Variants in L3MBTL4 observed in about 807,000 individuals in gnomAD.
L3MBTL4 encodes L3MBTL histone methyl-lysine binding protein 4.
Under a neutral mutation model 84.5 loss-of-function variants are expected in L3MBTL4, and 70 were observed. That is an observed-to-expected ratio of 0.83 (90% CI 0.68 to 1.01). L3MBTL4 has a LOEUF of 1.01. L3MBTL4 is among the 50% of genes least tolerant of loss of function. The pLI is 0.00. For missense variants in L3MBTL4, 715 were observed against 754.8 expected, an observed-to-expected ratio of 0.95 and a Z score of 0.62; for synonymous variants, 274 against 259.8, an observed-to-expected ratio of 1.05 and a Z score of -0.52.
intron 16 of L3MBTL4, chr18:6,031,318 G>C (rs973389096): frequency 1.0e-6 from 1 of 985,434 alleles, no homozygotes; most frequent in African/African-American, 1.7e-5. Context: ...TGGGTTATAG[G>C]TTTTCTGGTT....
chr18:5,969,514 A>G lies in L3MBTL4; in HGVS notation c.1493T>C (p.Met498Thr), dbSNP rs760586941. The change falls in exon 17 of 19, where the codon ATG becomes ACG. Residue 498 changes from methionine to threonine, a missense_variant. Coordinates refer to ENST00000317931, the MANE Select transcript of L3MBTL4 (RefSeq NM_001330559.2). ...AQQVLHQSVSMSTVSAHPFRD... is the reference protein window; with the variant it reads ...AQQVLHQSVSTSTVSAHPFRD... ...AAAAGGGTGGGCTGACACCGTGGACATGGACACTGACTGGTGAAGCACCTG... is the reference window on the plus strand; with the variant it reads ...AAAAGGGTGGGCTGACACCGTGGACGTGGACACTGACTGGTGAAGCACCTG... 1 of 1,613,564 alleles carries G rather than the reference A, an allele frequency of 6.2e-7. No individual in the cohort carries two copies. The highest frequency in any genetic ancestry group is 1.3e-5 in the African/African-American group (1 of 74,926).
chr18:6,179,387 T>G (rs1404924618), intron 12 of L3MBTL4, among the ~76,000 whole-genome samples: 1 of 152,162 alleles, frequency 6.6e-6, no homozygotes, highest in Non-Finnish European at 1.5e-5. Context: ...GAACTGGGTT[T>G]TAATATGTTT....
chr18:6,040,077 C>T (rs896880240), intron 16 of L3MBTL4, among the ~76,000 whole-genome samples: 1 of 152,024 alleles, frequency 6.6e-6, no homozygotes, highest in East Asian at 1.9e-4. Flanking sequence ...TGAGAAATTT[C>T]AAAAGGCCAG....
At chr18:6,083,277 CA>C (rs1276496549) in intron 15 of L3MBTL4, among the ~76,000 whole-genome samples, 1 of 152,126 alleles carries the variant, frequency 6.6e-6, no homozygotes, top group Non-Finnish European at 1.5e-5. Context: ...GATGGGTTTC[CA>C]AAAGTCTCGA....
intron 15 of L3MBTL4, among the ~76,000 whole-genome samples, chr18:6,090,593 TACACACACAC>T (rs71163260): frequency 1.5e-3 from 127 of 86,772 alleles, no homozygotes; most frequent in African/African-American, 5.4e-3. Flanking sequence ...ATTATATATA[TACACACACAC>T]ACACACACAC....
rs34117389 is a variant in L3MBTL4, at chr18:6,041,462, C to CTT, written c.1444+39417_1444+39418dup. 9.5e-3 allele frequency among the ~76,000 whole-genome samples: 1,175 copies of CTT among 124,086 alleles called. 17 individuals are homozygous for CTT. Among genetic ancestry groups the CTT allele is most frequent in the South Asian group, 0.013 (49 of 3,686 alleles). The allele number at this position is 124,086 out of a possible 152,430, so 81.4% of individuals were successfully genotyped here. ...TTTCTTCAGCTTAGGCTGAAATTGA[C>CTT]TTTTTTTTTTTTTTTTTTGTCTTGC... is the stretch of plus-strand genomic sequence containing the variant. On this transcript the variant is annotated intron_variant, in intron 16 of 18. Transcript: ENST00000317931.
At chr18:6,393,651 A>G (rs1312626790) in intron 1 of L3MBTL4, among the ~76,000 whole-genome samples, 1 of 152,152 alleles carries the variant, frequency 6.6e-6, no homozygotes, top group Admixed American at 6.5e-5. Flanking sequence ...CAGCCAATCA[A>G]TCAGGGAATC....
At chr18:6,278,879 C>T (rs1229814446) in intron 4 of L3MBTL4, among the ~76,000 whole-genome samples, 1 of 149,814 alleles carries the variant, frequency 6.7e-6, no homozygotes, top group African/African-American at 2.5e-5. Context: ...AAAAAAAAAA[C>T]TTCTTCCACA....
intron 13 of L3MBTL4, among the ~76,000 whole-genome samples, chr18:6,149,892 T>C (rs2042816860): frequency 6.6e-6 from 1 of 152,132 alleles, no homozygotes; most frequent in East Asian, 1.9e-4. Context: ...TCTCTCTCTC[T>C]CCCCATTCCT....
chr18:6,366,042 A>G (rs2053921440), intron 1 of L3MBTL4, among the ~76,000 whole-genome samples: 1 of 152,216 alleles, frequency 6.6e-6, no homozygotes, highest in Admixed American at 6.5e-5. Context: ...ATACTTCTGT[A>G]ACCTCAATTA....
intron 14 of L3MBTL4, among the ~76,000 whole-genome samples, chr18:6,134,277 A>G (rs998679584): frequency 6.6e-6 from 1 of 152,110 alleles, no homozygotes; most frequent in African/African-American, 2.4e-5. Flanking sequence ...GGGAATTCTG[A>G]GAGATACAAT....
intron 13 of L3MBTL4, among the ~76,000 whole-genome samples, chr18:6,149,845 C>G (rs1407048627): frequency 6.6e-6 from 1 of 152,116 alleles, no homozygotes; most frequent in Non-Finnish European, 1.5e-5. Flanking sequence ...CAAAACCATC[C>G]CCCTTCTCTC....
intron 12 of L3MBTL4, among the ~76,000 whole-genome samples, chr18:6,185,960 C>CTATTTTTTTATTTTATTTTAT (rs976327212): frequency 6.9e-6 from 1 of 145,786 alleles, no homozygotes; most frequent in African/African-American, 2.7e-5. Context: ...AGGGCACTTT[C>CTATTTTTTTATTTTATTTTAT]TTTATTTTAT....
chr18:5,979,716 C>A (rs1040529870), intron 16 of L3MBTL4, among the ~76,000 whole-genome samples: 6 of 152,150 alleles, frequency 3.9e-5, no homozygotes, highest in African/African-American at 1.4e-4. Context: ...AGAAGTCACA[C>A]TTTGGGGGCA....
chr18:6,209,462 C>CCAAAA (rs1427713912), intron 12 of L3MBTL4, among the ~76,000 whole-genome samples: 3 of 134,182 alleles, frequency 2.2e-5, no homozygotes, highest in South Asian at 4.3e-4. Flanking sequence ...AAAAAAAAAG[C>CCAAAA]CAAAACAAAA....
chr18:6,305,667 A>G (rs2050552051), intron 3 of L3MBTL4, among the ~76,000 whole-genome samples: 1 of 152,232 alleles, frequency 6.6e-6, no homozygotes, highest in South Asian at 2.1e-4. Flanking sequence ...TTTAAGGAAC[A>G]TAAAATAAGT....
chr18:5,957,441 ACAGGATGGC>A (rs1201796379), intron 18 of L3MBTL4, among the ~76,000 whole-genome samples: 19 of 152,058 alleles, frequency 1.2e-4, no homozygotes, highest in Admixed American at 1.2e-3. Context: ...CCCGAGACTC[ACAGGATGGC>A]AGTGGCCACC....
chr18:6,323,710 T>C (rs1039564429), intron 1 of L3MBTL4, among the ~76,000 whole-genome samples: 1 of 152,238 alleles, frequency 6.6e-6, no homozygotes, highest in African/African-American at 2.4e-5. Context: ...AGATATGACC[T>C]GAAATTGGAA....
intron 4 of L3MBTL4, among the ~76,000 whole-genome samples, chr18:6,295,899 G>A (rs1156400349): frequency 1.3e-5 from 2 of 152,136 alleles, no homozygotes; most frequent in East Asian, 1.9e-4. Flanking sequence ...TCTCATGAAC[G>A]GTTCAGCCTA....
Sources: gnomAD v4.1 joint callset for allele counts (sites outside exome capture counted in the v4.1 genomes callset) on GRCh38, gnomAD v4.1.1 for gene constraint, MANE v1.5 for transcripts, NCBI Gene and HGNC (gene_info 2026-07-23, HGNC 2026-07-21) for gene names.